Variants in POTEF observed in about 807,000 individuals in gnomAD.
POTEF encodes the protein POTE ankyrin domain family member F.
A neutral mutation model predicts 83.2 loss-of-function variants in POTEF; 20 were observed. That is an observed-to-expected ratio of 0.24 (90% CI 0.17 to 0.35). The LOEUF (loss-of-function observed/expected upper bound fraction) is 0.35. Ranked by LOEUF, POTEF falls within the 10% of genes least tolerant of loss-of-function variation. The pLI, the probability that POTEF is intolerant of heterozygous loss-of-function variation, is 1.00. For missense variants in POTEF, 550 were observed against 1,203.2 expected (o/e 0.46, Z 8.03); for synonymous variants, 196 against 446.4 (o/e 0.44, Z 7.07).
At chr2:130,114,076 A>G (rs540166092) in intron 5 of POTEF, among the ~76,000 whole-genome samples, 1 of 151,968 alleles carries the variant, frequency 6.6e-6, no homozygotes, top group African/African-American at 2.4e-5. Flanking sequence ...ATAGGATACT[A>G]AGTCAGTTAA....
chr2:130,108,194 T>C (rs62163061), intron 7 of POTEF, 115 bp from the exon 8 acceptor site: 293,295 of 1,452,480 alleles, frequency 0.2, 33,090 homozygotes, highest in Non-Finnish European at 0.23. Flanking sequence ...CAGAACTTAA[T>C]AGTATTATCC....
At chr2:130,120,989 G>A (rs1433204462) in intron 2 of POTEF, 12 of 233,010 alleles carry the variant, frequency 5.1e-5, no homozygotes, top group South Asian at 2.7e-4. Context: ...AGCCATTACA[G>A]GCCAGCCAAG....
At chr2:130,125,652 T>C (rs543740896) in intron 2 of POTEF, among the ~76,000 whole-genome samples, 2 of 152,098 alleles carry the variant, frequency 1.3e-5, no homozygotes, top group Non-Finnish European at 2.9e-5. Flanking sequence ...ATCTTTGCCT[T>C]AAAATACACA....
chr2:130,118,182 C>T (rs1264747342), intron 3 of POTEF, among the ~76,000 whole-genome samples: 1 of 151,832 alleles, frequency 6.6e-6, no homozygotes, highest in Non-Finnish European at 1.5e-5. Flanking sequence ...CTTCATGATC[C>T]ACCTGCCTCA....
At chr2:130,114,558 G>A (rs1245124832) in intron 5 of POTEF, among the ~76,000 whole-genome samples, 3 of 144,770 alleles carry the variant, frequency 2.1e-5, no homozygotes, top group Non-Finnish European at 1.5e-5. Context: ...CTATTTCAGG[G>A]CAAATTTTGC....
Position 130,105,455 on chromosome 2 carries a change from CTCCTGGTTT to C in POTEF, c.1126+2545_1126+2553del, listed in dbSNP as rs533591632. 7.3e-4 allele frequency among the ~76,000 whole-genome samples: 111 copies of C among 151,810 alleles called. 3 individuals carry two copies. In the South Asian group the frequency reaches 0.022, roughly 31 times the overall value. On this transcript the variant is annotated intron_variant, in intron 8 of 16. Transcript: ENST00000409914. ...TGACTACTGCGAAAACTTCCTTTGT[CTCCTGGTTT>C]CTTTACATGGTAAAGAACCTTCCAT...
At chr2:130,114,210 T>C (rs1684782806) in intron 5 of POTEF, among the ~76,000 whole-genome samples, 1 of 150,790 alleles carries the variant, frequency 6.6e-6, no homozygotes, top group Non-Finnish European at 1.5e-5. Context: ...TAACTCCCTC[T>C]CCCAAACTGA....
At position 130,110,712 on chromosome 2, in the gene POTEF, G is replaced by A; in HGVS notation, c.918-32C>T. The A allele has an allele frequency of 1.9e-6, 2 of 1,043,198 alleles. 1 individual carries two copies. Among genetic ancestry groups the A allele is most frequent in the South Asian group, 3.1e-5 (2 of 63,786 alleles). The allele number at this position is 1,043,198 out of a possible 1,614,324, so 64.6% of individuals were successfully genotyped here. A position where few individuals can be genotyped will look rare whatever the true frequency, so the allele number is the denominator to read the frequency against. The stretch of plus-strand genomic sequence containing the variant: ...TGACAGAGATAGGAACTGTAATAAA[G>A]TTATTTTTAAAGCTAATTTGATATA... On this transcript the variant is annotated intron_variant, in intron 6 of 16. Coordinates refer to ENST00000409914, the MANE Select transcript of POTEF (RefSeq NM_001099771.2).
chr2:130,117,732 C>T (rs1684877816), intron 3 of POTEF, among the ~76,000 whole-genome samples: 1 of 151,774 alleles, frequency 6.6e-6, no homozygotes, highest in Non-Finnish European at 1.5e-5. Context: ...TTAATCAATA[C>T]TAAGAAAAAC....
rs57173649 is a variant in POTEF at position 130,127,324 on chromosome 2, CAAAAAAA to C, written c.-94+378_-94+384del. On this transcript the variant is annotated intron_variant, in intron 2 of 16. Coordinates refer to ENST00000409914, the MANE Select transcript of POTEF (RefSeq NM_001099771.2). Reference sequence around the variant, plus strand: ...TGGGCAAAAGAGCGAGACTCTGTCTCAAAAAAAAAAAAAAAAAAAAAAAAAAAGCCAC... The same window carrying C: ...TGGGCAAAAGAGCGAGACTCTGTCTCAAAAAAAAAAAAAAAAAAAAGCCAC... Among the ~76,000 whole-genome samples, 122 of 12,442 alleles carry C rather than the reference CAAAAAAA, an allele frequency of 9.8e-3. 2 individuals carry two copies. In the Admixed American group the frequency reaches 0.11, roughly 11 times the overall value. 8.2% of individuals were successfully genotyped at this position (12,442 alleles called of 152,430 possible).
At chr2:130,119,367 C>T (rs868452193) in intron 3 of POTEF, among the ~76,000 whole-genome samples, 3 of 151,900 alleles carry the variant, frequency 2.0e-5, no homozygotes, top group Middle Eastern at 3.4e-3. Context: ...AGGGTTTCAC[C>T]GTGTTAGCCA....
At position 130,103,790 on chromosome 2, in the gene POTEF, G is replaced by A. The variant is rs1475187673; in HGVS notation, c.1127-1610C>T. Among the ~76,000 whole-genome samples the A allele has an allele frequency of 8.4e-5, 12 of 142,216 alleles. No homozygotes were observed. The South Asian group carries it at 9.2e-4, about 11-fold the overall frequency. The allele number at this position is 142,216 out of a possible 152,430, so 93.3% of individuals were successfully genotyped here. On this transcript the variant is annotated intron_variant, in intron 8 of 16. Coordinates refer to ENST00000409914, the MANE Select transcript of POTEF (RefSeq NM_001099771.2). ...GGGGTAGAGGGCAGGAAAGGGTGACGGCATGCCACGCAGCAGCAAGAGCGG... is the reference window on the plus strand; with the variant it reads ...GGGGTAGAGGGCAGGAAAGGGTGACAGCATGCCACGCAGCAGCAAGAGCGG...
chr2:130,109,757 A>C, intron 7 of POTEF: 1 of 151,304 alleles, frequency 6.6e-6, no homozygotes, highest in Non-Finnish European at 1.5e-5. Context: ...TGAAGGTCTC[A>C]GCTAATTCCT....
Position 130,075,587 on chromosome 2 carries a change from A to T in POTEF, c.1900-15T>A, listed in dbSNP as rs1174803447. 1 of 1,605,120 alleles carries T rather than the reference A, an allele frequency of 6.2e-7. No individual in the cohort carries two copies. Among genetic ancestry groups the T allele is most frequent in the Non-Finnish European group, 8.5e-7 (1 of 1,177,188 alleles). On this transcript the variant is annotated splice_polypyrimidine_tract_variant and intron_variant, in intron 16 of 16. Coordinates refer to ENST00000409914, the MANE Select transcript of POTEF (RefSeq NM_001099771.2). ...CTAAGAGAAAGCTAAGTAAACAAAGAGAACTTTTAGTTAGCACTCAATAGA... is the reference window on the plus strand; with the variant it reads ...CTAAGAGAAAGCTAAGTAAACAAAGTGAACTTTTAGTTAGCACTCAATAGA...
chr2:130,104,953 G>A (rs1318343165), intron 8 of POTEF, among the ~76,000 whole-genome samples: 6 of 150,836 alleles, frequency 4.0e-5, no homozygotes, highest in African/African-American at 4.9e-5. Flanking sequence ...TCCATTAAAC[G>A]TGCATAGAAA....
At chr2:130,117,739 A>G (rs1252171055) in intron 3 of POTEF, among the ~76,000 whole-genome samples, 2 of 151,966 alleles carry the variant, frequency 1.3e-5, no homozygotes, top group African/African-American at 4.9e-5. Flanking sequence ...ATACTAAGAA[A>G]AACAGACCTC....
At position 130,099,175 on chromosome 2, in the gene POTEF, C is replaced by T. The variant is rs1369584036; in HGVS notation, c.1409+295G>A. 1.8e-4 allele frequency among the ~76,000 whole-genome samples: 6 copies of T among 33,458 alleles called. 1 individual carries two copies. The highest frequency in any genetic ancestry group is 1.2e-3 in the African/African-American group (6 of 5,204). 21.9% of individuals were successfully genotyped at this position (33,458 alleles called of 152,430 possible). ...ATCTGCAGTCCAAATCTCCATGATA[C>T]ACTTTACCTATATAATAACCCTGCA... On this transcript the variant is annotated intron_variant, in intron 11 of 16. Transcript: ENST00000409914.
At chr2:130,111,953 G>A (rs1231045870) in intron 6 of POTEF, 42 bp downstream of exon 6, 1 of 1,567,862 alleles carries the variant, frequency 6.4e-7, no homozygotes, top group Non-Finnish European at 8.6e-7. Context: ...TTGAGTGACT[G>A]CTGTCCATCT....
rs369546715 is a variant in POTEF at position 130,115,335 on chromosome 2, G to C, written c.522-7C>G. The C allele has an allele frequency of 2.1e-4, 345 of 1,612,962 alleles. No homozygotes were observed. The highest frequency in any genetic ancestry group is 2.7e-4 in the Non-Finnish European group (319 of 1,179,930). On this transcript the variant is annotated splice_region_variant and splice_polypyrimidine_tract_variant and intron_variant, in intron 3 of 16. Transcript: ENST00000409914. Reference sequence around the variant, plus strand: ...GGCCAGATGTAGAGCAGTCCTATGAGAGTGAGAAGACTTTTTAGGAAATTG... The same window carrying C: ...GGCCAGATGTAGAGCAGTCCTATGACAGTGAGAAGACTTTTTAGGAAATTG...
Sources: allele counts gnomAD v4.1 joint callset (sites outside exome capture counted in the v4.1 genomes callset), GRCh38; gene constraint gnomAD v4.1.1; transcripts MANE v1.5; gene names NCBI Gene and HGNC (gene_info 2026-07-23, HGNC 2026-07-21).